The following COL5A1 variants were observed in gnomAD, a reference collection of about 807,000 sequenced individuals.
The protein encoded by COL5A1 is collagen type V alpha 1 chain, also known as collagen alpha-1(V) chain.
COL5A1 carries 16 observed loss-of-function variants against 263.7 expected under a neutral mutation model. That is an observed-to-expected ratio of 0.06 (90% CI 0.04 to 0.09). COL5A1 has a LOEUF of 0.09. Ranked by LOEUF, COL5A1 falls within the 10% of genes least tolerant of loss-of-function variation. The pLI, the probability that COL5A1 is intolerant of heterozygous loss-of-function variation, is 1.00. For synonymous variants in COL5A1, 1,012 were observed against 1,004.5 expected (o/e 1.01, Z -0.14); for missense variants, 2,036 against 2,540.5 (o/e 0.80, Z 4.27).
intron 1 of COL5A1, among the ~76,000 whole-genome samples, chr9:134,675,943 A>G (rs1400771755): frequency 6.6e-6 from 1 of 152,112 alleles, no homozygotes; most frequent in Non-Finnish European, 1.5e-5. Flanking sequence ...CACAAAGCCC[A>G]CCTTGATTTA....
At chr9:134,764,673 A>G (rs933793632) in intron 20 of COL5A1, among the ~76,000 whole-genome samples, 4 of 152,094 alleles carry the variant, frequency 2.6e-5, no homozygotes, top group African/African-American at 7.3e-5. Flanking sequence ...GTGCTAATTG[A>G]TGAGAAATAT....
chr9:134,706,872 C>G (rs1473102913), intron 4 of COL5A1, among the ~76,000 whole-genome samples: 2 of 152,228 alleles, frequency 1.3e-5, no homozygotes, highest in Non-Finnish European at 2.9e-5. Context: ...GCAGAGGGCC[C>G]AAGAGTGTCC....
chr9:134,720,336 A>C (rs1181226256), intron 4 of COL5A1, among the ~76,000 whole-genome samples: 1 of 152,132 alleles, frequency 6.6e-6, no homozygotes, highest in African/African-American at 2.4e-5. Context: ...CTTTGTTTCC[A>C]GGCCGCCAGC....
intron 63 of COL5A1, among the ~76,000 whole-genome samples, chr9:134,826,446 T>C (rs1317377371): frequency 6.6e-6 from 1 of 152,224 alleles, no homozygotes; most frequent in Admixed American, 6.5e-5. Context: ...GTCACTTAAA[T>C]ACCCACCTCT....
At chr9:134,753,218 G>A (rs1005976311) in intron 14 of COL5A1, among the ~76,000 whole-genome samples, 2 of 152,170 alleles carry the variant, frequency 1.3e-5, no homozygotes, top group African/African-American at 4.8e-5. Context: ...AGCCTCACCC[G>A]CCCCTGCCCT....
chr9:134,778,166 C>T (rs1837119371), intron 27 of COL5A1, among the ~76,000 whole-genome samples: 1 of 152,212 alleles, frequency 6.6e-6, no homozygotes, highest in African/African-American at 2.4e-5. Flanking sequence ...CGTGGCCCTA[C>T]CTGTTCTCTT....
chr9:134,820,774 A>C (rs1226992293), intron 58 of COL5A1, among the ~76,000 whole-genome samples: 1 of 152,064 alleles, frequency 6.6e-6, no homozygotes, highest in East Asian at 1.9e-4. Flanking sequence ...GGGGAGGGTG[A>C]CGTGTGCCAT....
chr9:134,726,886 AATGGATGG>A (rs1003880931), intron 4 of COL5A1, among the ~76,000 whole-genome samples: 35 of 140,586 alleles, frequency 2.5e-4, no homozygotes, highest in African/African-American at 9.2e-4. Context: ...TGAATGGGTG[AATGGATGG>A]ATAGATGGAT....
chr9:134,701,867 CG>C (rs1160530207), intron 4 of COL5A1, among the ~76,000 whole-genome samples: 1 of 152,142 alleles, frequency 6.6e-6, no homozygotes, highest in Non-Finnish European at 1.5e-5. Context: ...GCTTGGGAGT[CG>C]GGGCCTGAGC....
intron 63 of COL5A1, among the ~76,000 whole-genome samples, chr9:134,827,596 T>C (rs1839341833): frequency 6.6e-6 from 1 of 152,138 alleles, no homozygotes; most frequent in Non-Finnish European, 1.5e-5. Flanking sequence ...TCCTCCAAAC[T>C]CAGAGGTTTC....
chr9:134,832,594 C>A (rs896613240), intron 64 of COL5A1: 26 of 152,364 alleles, frequency 1.7e-4, no homozygotes, highest in African/African-American at 5.8e-4. Flanking sequence ...GCCCCATGGG[C>A]ACTGGGGGCT....
intron 11 of COL5A1, among the ~76,000 whole-genome samples, chr9:134,745,717 G>T (rs183348563): frequency 6.6e-6 from 1 of 152,124 alleles, no homozygotes; most frequent in African/African-American, 2.4e-5. Flanking sequence ...TGGGATCCTC[G>T]GACAATTGAT....
At chr9:134,747,961 G>GCACACATGCATTCA (rs1554791441) in intron 11 of COL5A1, among the ~76,000 whole-genome samples, 33 of 112,206 alleles carry the variant, frequency 2.9e-4, no homozygotes, top group African/African-American at 1.1e-3. Flanking sequence ...GCAGACACAT[G>GCACACATGCATTCA]CACACATGCA....
rs971917284 is a variant in COL5A1 at position 134,757,578 on chromosome 9, G to T, written c.1882-665G>T. 6.6e-6 allele frequency among the ~76,000 whole-genome samples: 1 copy of T among 152,210 alleles called. No homozygotes were observed. Among genetic ancestry groups the T allele is most frequent in the African/African-American group, 2.4e-5 (1 of 41,442 alleles). Reference sequence around the variant, plus strand: ...CATCCCGTCAGTCCCAAGCTAGTGAGGTGGCCTGGGGTGACAGGAGGAAAC... The same window carrying T: ...CATCCCGTCAGTCCCAAGCTAGTGATGTGGCCTGGGGTGACAGGAGGAAAC... On this transcript the variant is annotated intron_variant, in intron 17 of 65. Transcript: ENST00000371817. This position sits in a 1 kb window ranked among gnomAD's most constrained non-coding sequence, Gnocchi z 6.2.
At chr9:134,776,234 G>T (rs1837046305) in intron 27 of COL5A1, among the ~76,000 whole-genome samples, 1 of 152,136 alleles carries the variant, frequency 6.6e-6, no homozygotes, top group Admixed American at 6.5e-5. Context: ...TTTTATAAGG[G>T]TGATAATTTA....
chr9:134,649,062 C>T (rs1224725504), intron 1 of COL5A1, among the ~76,000 whole-genome samples: 1 of 151,744 alleles, frequency 6.6e-6, no homozygotes, highest in Non-Finnish European at 1.5e-5. Context: ...AGGAGGTGTT[C>T]CAGGCAGGGG....
Position 134,767,051 on chromosome 9 carries a change from C to T in COL5A1, c.2185C>T (p.Gln729Ter). 1 of 1,613,356 alleles carries T rather than the reference C, an allele frequency of 6.2e-7. No homozygotes were observed. Among genetic ancestry groups the T allele is most frequent in the Non-Finnish European group, 8.5e-7 (1 of 1,179,866 alleles). Reference sequence around the variant, plus strand: ...AGGACAGCAGGGTAATCCAGGCGCCCAGGTAAGTGAGCCTGAGAGAGGCAG... The same window carrying T: ...AGGACAGCAGGGTAATCCAGGCGCCTAGGTAAGTGAGCCTGAGAGAGGCAG... ...PPGQQGNPGA[Q>*]GLPGPQGAIG... The change falls in exon 23 of 66, where the codon CAG becomes TAG. Residue 729 changes from glutamine (Q) to a stop codon, truncating the protein, a stop_gained and splice_region_variant. Transcript: ENST00000371817. LOFTEE classifies it high-confidence loss of function.
rs1357750311 is a variant in COL5A1 at position 134,652,698 on chromosome 9, G to A, written c.109+10402G>A. ...ATAGAGGAAGCAAAGGTGAGATTCC[G>A]TGGCCTCACCCCATGGTCTTCTCAT... On this transcript the variant is annotated intron_variant, in intron 1 of 65. Transcript: ENST00000371817. This position sits in a 1 kb window ranked among gnomAD's most constrained non-coding sequence, Gnocchi z 4.4. 8.5e-6 allele frequency: 4 copies of A among 470,772 alleles called. No homozygotes were observed. The highest frequency in any genetic ancestry group is 1.5e-5 in the South Asian group (1 of 64,570). 29.2% of individuals were successfully genotyped at this position (470,772 alleles called of 1,614,324 possible). A position where few individuals can be genotyped will look rare whatever the true frequency, so the allele number is the denominator to read the frequency against.
rs879943257 is a variant in COL5A1, at chr9:134,678,692, A to G, written c.110-12220A>G. Among the ~76,000 whole-genome samples the G allele has an allele frequency of 1.3e-5, 2 of 152,248 alleles. No individual in the cohort carries two copies. The highest frequency in any genetic ancestry group is 2.9e-5 in the Non-Finnish European group (2 of 68,036). On this transcript the variant is annotated intron_variant, in intron 1 of 65. Coordinates refer to ENST00000371817, the MANE Select transcript of COL5A1 (RefSeq NM_000093.5). This position sits in a 1 kb window ranked among gnomAD's most constrained non-coding sequence, Gnocchi z 5.5. ...CTGTGGCTGGGCAGCTGGACCACCCAGGATGACAGCCCAAGTGATCCACCA... is the reference window on the plus strand; with the variant it reads ...CTGTGGCTGGGCAGCTGGACCACCCGGGATGACAGCCCAAGTGATCCACCA...
Sources: gnomAD v4.1 joint callset for allele counts (sites outside exome capture counted in the v4.1 genomes callset) on GRCh38, gnomAD v4.1.1 for gene constraint, Gnocchi (gnomAD v3.1) non-coding constraint, MANE v1.5 for transcripts, NCBI Gene and HGNC (gene_info 2026-07-23, HGNC 2026-07-21) for gene names.